Variants in SLC71A1 observed in about 807,000 individuals in gnomAD.
SLC71A1 encodes the protein solute carrier family 71 member 1.
At chr1:100,059,787 G>A in the SLC71A1 span, 72 of 1,149,662 alleles carry the variant, frequency 6.3e-5, no homozygotes, top group Middle Eastern at 2.6e-4. Context: ...AAACAAAGTT[G>A]TTGAAAATTT....
the SLC71A1 span, among the ~76,000 whole-genome samples, chr1:100,065,668 T>C: frequency 1.3e-5 from 2 of 150,068 alleles, no homozygotes; most frequent in South Asian, 4.3e-4. Flanking sequence ...CCTTTTCCTT[T>C]CCCTTCCCCT....
the SLC71A1 span, among the ~76,000 whole-genome samples, chr1:100,042,354 C>A: frequency 6.6e-6 from 1 of 152,122 alleles, no homozygotes; most frequent in Non-Finnish European, 1.5e-5. Flanking sequence ...AAATGCATAT[C>A]CCTGGATAAG....
the SLC71A1 span, chr1:100,078,524 C>G: frequency 6.2e-7 from 1 of 1,613,160 alleles, no homozygotes; most frequent in Non-Finnish European, 8.5e-7. Context: ...ACTTGTTTCA[C>G]GAACTGCTGA....
chr1:100,045,625 A>G, the SLC71A1 span, among the ~76,000 whole-genome samples: 4,985 of 152,312 alleles, frequency 0.033, 297 homozygotes, highest in African/African-American at 0.11. Context: ...ACAGTGTATA[A>G]TAAATCAGGG....
the SLC71A1 span, among the ~76,000 whole-genome samples, chr1:100,056,541 C>T: frequency 1.3e-5 from 2 of 152,018 alleles, no homozygotes; most frequent in East Asian, 1.9e-4. Context: ...ACCTGGGAGG[C>T]GGAGGTTGCA....
chr1:100,074,476 G>A, the SLC71A1 span, among the ~76,000 whole-genome samples: 3 of 152,182 alleles, frequency 2.0e-5, no homozygotes, highest in South Asian at 6.2e-4. Flanking sequence ...CTACTCGGGA[G>A]GCTGAGGCAG....
At chr1:100,081,606 C>T in the SLC71A1 span, among the ~76,000 whole-genome samples, 2 of 152,128 alleles carry the variant, frequency 1.3e-5, no homozygotes, top group South Asian at 4.1e-4. Context: ...GAACTCCTGA[C>T]CTCAAGTGAT....
the SLC71A1 span, chr1:100,077,325 C>A: frequency 2.0e-6 from 2 of 987,252 alleles, no homozygotes; most frequent in Non-Finnish European, 3.1e-6. Context: ...TGGTGTTAGC[C>A]CTTGTGTTTT....
the SLC71A1 span, among the ~76,000 whole-genome samples, chr1:100,062,421 G>A: frequency 4.6e-5 from 7 of 152,226 alleles, no homozygotes; most frequent in Non-Finnish European, 8.8e-5. Context: ...CTTTAAAAAT[G>A]TAAGAAACAG....
the SLC71A1 span, chr1:100,078,608 T>G: frequency 2.5e-6 from 3 of 1,203,456 alleles, no homozygotes; most frequent in Admixed American, 5.1e-5. Context: ...AATCCTGTGT[T>G]CTGTCTCCTA....
the SLC71A1 span, among the ~76,000 whole-genome samples, chr1:100,062,870 GT>G: frequency 2.1e-5 from 3 of 141,292 alleles, no homozygotes; most frequent in African/African-American, 7.9e-5. Context: ...GAGATCAGGA[GT>G]TCACGACCAG....
chr1:100,039,507 T>C, the SLC71A1 span, among the ~76,000 whole-genome samples: 1 of 152,244 alleles, frequency 6.6e-6, no homozygotes, highest in African/African-American at 2.4e-5. Flanking sequence ...TTAACGTTTA[T>C]TATATGTTAT....
chr1:100,066,706 T>G, the SLC71A1 span, among the ~76,000 whole-genome samples: 474 of 152,144 alleles, frequency 3.1e-3, 2 homozygotes, highest in African/African-American at 0.011. Context: ...AAAATTTAAA[T>G]AGGCCGGGCA....
chr1:100,067,865 G>A, the SLC71A1 span: 5 of 810,672 alleles, frequency 6.2e-6, no homozygotes, highest in Non-Finnish European at 4.1e-6. Context: ...GAAGAGAAAA[G>A]GGAGGGTGTG....
At chr1:100,039,252 A>G in the SLC71A1 span, among the ~76,000 whole-genome samples, 2 of 151,864 alleles carry the variant, frequency 1.3e-5, no homozygotes, top group African/African-American at 2.4e-5. Context: ...GGTGATATAT[A>G]TGTTTCACTT....
the SLC71A1 span, among the ~76,000 whole-genome samples, chr1:100,073,414 A>G: frequency 6.6e-6 from 1 of 152,280 alleles, no homozygotes; most frequent in African/African-American, 2.4e-5. Context: ...CACATGGTTG[A>G]GTATGTTCTG....
At chr1:100,050,949 G>T in the SLC71A1 span, among the ~76,000 whole-genome samples, 3 of 151,992 alleles carry the variant, frequency 2.0e-5, no homozygotes, top group African/African-American at 7.3e-5. Flanking sequence ...GTTGTGCATG[G>T]TGGCATATGT....
the SLC71A1 span, among the ~76,000 whole-genome samples, chr1:100,047,917 A>T: frequency 6.6e-6 from 1 of 152,216 alleles, no homozygotes; most frequent in African/African-American, 2.4e-5. Flanking sequence ...ATTAGAAAAG[A>T]TATGGAAAAT....
the SLC71A1 span, among the ~76,000 whole-genome samples, chr1:100,075,520 C>CT: frequency 6.6e-6 from 1 of 152,186 alleles, no homozygotes; most frequent in South Asian, 2.1e-4. Flanking sequence ...GGCCACAGAG[C>CT]TTTGGGTATA....
Sources: allele counts gnomAD v4.1 joint callset (sites outside exome capture counted in the v4.1 genomes callset), GRCh38; gene constraint gnomAD v4.1.1; transcripts MANE v1.5; gene names NCBI Gene and HGNC (gene_info 2026-07-23, HGNC 2026-07-21).